Variants in ATF7IP observed in about 807,000 individuals in gnomAD.
ATF7IP encodes activating transcription factor 7 interacting protein.
A neutral mutation model predicts 106.4 loss-of-function variants in ATF7IP; 23 were observed. The observed-to-expected ratio is 0.22, with a 90% CI of 0.16 to 0.31. ATF7IP has a LOEUF of 0.31. Among genes scored for constraint, ATF7IP ranks in the 10% least tolerant of loss-of-function variants. The pLI is 1.00. For missense variants in ATF7IP, 1,334 were observed against 1,524.3 expected (o/e 0.88, Z 2.08); for synonymous variants, 542 against 539.0 (o/e 1.01, Z -0.08).
At chr12:14,402,570 A>T (rs1940304094) in intron 1 of ATF7IP, among the ~76,000 whole-genome samples, 1 of 150,490 alleles carries the variant, frequency 6.6e-6, no homozygotes, top group African/African-American at 2.4e-5. Flanking sequence ...CTAATATGTC[A>T]TGTAAGTGTT....
At chr12:14,438,485 G>T (rs1488187774) in intron 5 of ATF7IP, among the ~76,000 whole-genome samples, 1 of 152,226 alleles carries the variant, frequency 6.6e-6, no homozygotes, top group Non-Finnish European at 1.5e-5. Flanking sequence ...CTGGAGGCTA[G>T]AAGTTGAAGA....
At chr12:14,382,957 A>G (rs918424463) in intron 1 of ATF7IP, among the ~76,000 whole-genome samples, 3 of 152,230 alleles carry the variant, frequency 2.0e-5, no homozygotes, top group African/African-American at 7.2e-5. Context: ...GGATATATCA[A>G]GTAAACTATA....
chr12:14,398,737 A>G (rs1940005771), intron 1 of ATF7IP, among the ~76,000 whole-genome samples: 1 of 151,852 alleles, frequency 6.6e-6, no homozygotes, highest in Non-Finnish European at 1.5e-5. Context: ...TCAATAGGAC[A>G]TATCTCTTTT....
intron 13 of ATF7IP, among the ~76,000 whole-genome samples, chr12:14,483,964 A>G (rs1303048198): frequency 1.3e-5 from 2 of 152,136 alleles, no homozygotes; most frequent in African/African-American, 4.8e-5. Context: ...TCCATGGATA[A>G]TAGTCTTGGC....
intron 13 of ATF7IP, among the ~76,000 whole-genome samples, chr12:14,487,556 G>A (rs560921851): frequency 3.3e-5 from 5 of 152,184 alleles, no homozygotes; most frequent in Admixed American, 6.5e-5. Context: ...GGGAGGGTAC[G>A]TTGCCCTCAC....
At chr12:14,370,331 G>T (rs1200756793) in intron 1 of ATF7IP, among the ~76,000 whole-genome samples, 1 of 152,118 alleles carries the variant, frequency 6.6e-6, no homozygotes, top group Non-Finnish European at 1.5e-5. Flanking sequence ...GACAATGACT[G>T]TATCTGGGCC....
rs556113931 is a variant in ATF7IP, at chr12:14,395,471, G to T, written c.-7-28438G>T. Among the ~76,000 whole-genome samples, 4 of 152,106 alleles carry T rather than the reference G, an allele frequency of 2.6e-5. No homozygotes were observed. In the South Asian group the frequency reaches 8.3e-4, roughly 32 times the overall value. Reference sequence around the variant, plus strand: ...ATCTTCTCAAAATTCCTTCACATTTGAATTGAAATGAACTAACAGTGGACT... The same window carrying T: ...ATCTTCTCAAAATTCCTTCACATTTTAATTGAAATGAACTAACAGTGGACT... On this transcript the variant is annotated intron_variant, in intron 1 of 14. Transcript: ENST00000261168.
intron 1 of ATF7IP, among the ~76,000 whole-genome samples, chr12:14,421,978 T>A (rs899973512): frequency 1.3e-5 from 2 of 151,976 alleles, no homozygotes; most frequent in African/African-American, 4.8e-5. Context: ...ATGATGGAAA[T>A]TAGAAAATAT....
chr12:14,404,132 C>T (rs1209993914), intron 1 of ATF7IP, among the ~76,000 whole-genome samples: 1 of 146,444 alleles, frequency 6.8e-6, no homozygotes, highest in African/African-American at 2.5e-5. Flanking sequence ...CATTTGTAAG[C>T]TTTTTTTTTT....
At chr12:14,480,647 C>G (rs1172015408) in intron 12 of ATF7IP, among the ~76,000 whole-genome samples, 1 of 152,142 alleles carries the variant, frequency 6.6e-6, no homozygotes, top group Non-Finnish European at 1.5e-5. Context: ...TTCTACTTTG[C>G]TAAGAACAAT....
At chr12:14,449,257 T>TAGGAATTTTATGGTTTTAGG (rs1943104134) in intron 6 of ATF7IP, among the ~76,000 whole-genome samples, 1 of 152,176 alleles carries the variant, frequency 6.6e-6, no homozygotes, top group Non-Finnish European at 1.5e-5. Flanking sequence ...TGTTTTCTTG[T>TAGGAATTTTATGGTTTTAGG]AGGAATTTTA....
chr12:14,438,099 TG>T, intron 4 of ATF7IP, 30 bp from the exon 5 acceptor site: 1 of 1,601,644 alleles, frequency 6.2e-7, no homozygotes, highest in Non-Finnish European at 8.5e-7. Flanking sequence ...AATGCCTTCT[TG>T]GCATAATGAA....
At chr12:14,449,376 C>T (rs1192117972) in intron 6 of ATF7IP, among the ~76,000 whole-genome samples, 3 of 152,054 alleles carry the variant, frequency 2.0e-5, no homozygotes, top group East Asian at 1.9e-4. Context: ...GTTTTCCCAG[C>T]ACCATTTATT....
chr12:14,482,658 C>A (rs1314705976), intron 13 of ATF7IP: 1 of 152,172 alleles, frequency 6.6e-6, no homozygotes, highest in East Asian at 1.9e-4. Flanking sequence ...TTCCCCAGCC[C>A]ACTGACTCAA....
intron 8 of ATF7IP, among the ~76,000 whole-genome samples, chr12:14,457,717 A>G (rs564215722): frequency 6.6e-6 from 1 of 152,338 alleles, no homozygotes; most frequent in South Asian, 2.1e-4. Flanking sequence ...TATGTGGGTT[A>G]CATCCATTGA....
intron 1 of ATF7IP, among the ~76,000 whole-genome samples, chr12:14,378,100 C>CTTTTTTT (rs59879512): frequency 7.3e-6 from 1 of 137,878 alleles, no homozygotes; most frequent in Admixed American, 7.3e-5. Flanking sequence ...TTTTCTTTTT[C>CTTTTTTT]TTTTTTTTTT....
chr12:14,483,536 A>G (rs1394403855), intron 13 of ATF7IP, among the ~76,000 whole-genome samples: 1 of 152,074 alleles, frequency 6.6e-6, no homozygotes, highest in South Asian at 2.1e-4. Flanking sequence ...TGGAACTAAG[A>G]CCTCTAGGCC....
chr12:14,497,507 G>T, intron 14 of ATF7IP, 147 bp from the exon 15 acceptor site: 1 of 839,106 alleles, frequency 1.2e-6, no homozygotes, highest in Non-Finnish European at 1.8e-6. Context: ...AATAGAACTT[G>T]CCAAATTTGA....
intron 5 of ATF7IP, 111 bp downstream of exon 5, chr12:14,438,378 A>G (rs1942517518): frequency 9.4e-7 from 1 of 1,068,482 alleles, no homozygotes; most frequent in African/African-American, 1.6e-5. Flanking sequence ...TCTAAATGTA[A>G]GAAGGAAAAG....
Sources: gnomAD v4.1 joint callset for allele counts (sites outside exome capture counted in the v4.1 genomes callset) on GRCh38, gnomAD v4.1.1 for gene constraint, MANE v1.5 for transcripts, NCBI Gene and HGNC (gene_info 2026-07-23, HGNC 2026-07-21) for gene names.